GRK3: variants seen among roughly 807,000 people sequenced by gnomAD.
GRK3 encodes the protein G protein-coupled receptor kinase 3, also known as adrenergic, beta, receptor kinase 2.
A neutral mutation model predicts 95.7 loss-of-function variants in GRK3; 54 were observed. The ratio of observed to expected loss-of-function variants is 0.56; its 90% confidence interval spans 0.45 to 0.71. The LOEUF (loss-of-function observed/expected upper bound fraction) is 0.71. Ranked by LOEUF, GRK3 falls within the 30% of genes least tolerant of loss-of-function variation. The pLI is 0.00. For missense variants in GRK3, 649 were observed against 851.2 expected (o/e 0.76, Z 2.96); for synonymous variants, 281 against 290.8 (o/e 0.97, Z 0.34).
At chr22:25,673,051 A>T (rs1328269092) in intron 7 of GRK3, among the ~76,000 whole-genome samples, 3 of 78,236 alleles carry the variant, frequency 3.8e-5, no homozygotes. Flanking sequence ...CTTGAATGGT[A>T]TTGTTGGAAG....
At chr22:25,652,505 T>A (rs2084839637) in intron 3 of GRK3, among the ~76,000 whole-genome samples, 1 of 152,098 alleles carries the variant, frequency 6.6e-6, no homozygotes, top group Admixed American at 6.5e-5. Context: ...AATCTAGAAC[T>A]AAATTGCATG....
intron 3 of GRK3, among the ~76,000 whole-genome samples, chr22:25,653,363 G>C (rs942342990): frequency 6.6e-6 from 1 of 152,082 alleles, no homozygotes; most frequent in Admixed American, 6.6e-5. Context: ...AAGCAAAGCC[G>C]GCATAACTAC....
chr22:25,687,453 T>C, intron 10 of GRK3, 84 bp from the exon 11 acceptor site: 1 of 1,460,704 alleles, frequency 6.8e-7, no homozygotes, highest in Non-Finnish European at 9.3e-7. Context: ...CTTTTTCTGC[T>C]GAGTCCTGAC....
intron 4 of GRK3, among the ~76,000 whole-genome samples, chr22:25,663,344 A>G (rs1300447312): frequency 1.3e-5 from 2 of 152,080 alleles, no homozygotes; most frequent in Non-Finnish European, 2.9e-5. Context: ...GATTCTTTAC[A>G]CTTTATTATC....
chr22:25,601,166 A>G (rs1321215956), intron 1 of GRK3, among the ~76,000 whole-genome samples: 4 of 152,230 alleles, frequency 2.6e-5, no homozygotes, highest in East Asian at 3.8e-4. Flanking sequence ...AACTTGACCC[A>G]GTTGGTGTTT....
chr22:25,565,560 C>T (rs1385269594), intron 1 of GRK3, among the ~76,000 whole-genome samples: 3 of 152,094 alleles, frequency 2.0e-5, no homozygotes, highest in Non-Finnish European at 4.4e-5. Context: ...GCTTTGCGCT[C>T]CATCCTGGTC....
intron 1 of GRK3, among the ~76,000 whole-genome samples, chr22:25,595,925 T>G (rs913806329): frequency 2.0e-5 from 3 of 152,186 alleles, no homozygotes; most frequent in African/African-American, 7.2e-5. Flanking sequence ...CCAGCCTGGA[T>G]GACAGAGCGA....
chr22:25,704,300 T>A, intron 15 of GRK3, 91 bp downstream of exon 15: 1 of 880,472 alleles, frequency 1.1e-6, no homozygotes, highest in Non-Finnish European at 1.7e-6. Context: ...CCCTAGTCAT[T>A]AAAATCTTCC....
chr22:25,724,435 A>G lies in GRK3; in HGVS notation c.*1985A>G, dbSNP rs2085458693. The G allele has an allele frequency of 6.6e-6, 1 of 152,224 alleles. No individual in the cohort carries two copies. The highest frequency in any genetic ancestry group is 1.5e-5 in the Non-Finnish European group (1 of 68,042). The allele number at this position is 152,224 out of a possible 1,614,324, so 9.4% of individuals were successfully genotyped here. ...TATTCAACTTTCCCATACTTGTTCT[A>G]AAATTGAGCTGATCCGCATCTCTTT... On this transcript the variant is annotated 3_prime_UTR_variant, in exon 21 of 21. Transcript: ENST00000324198.
chr22:25,656,542 G>T (rs981088653), intron 3 of GRK3, among the ~76,000 whole-genome samples: 1 of 152,000 alleles, frequency 6.6e-6, no homozygotes, highest in African/African-American at 2.4e-5. Context: ...GCCCAGGCTG[G>T]TCTTGAATTT....
intron 3 of GRK3, among the ~76,000 whole-genome samples, chr22:25,660,804 G>C (rs896123542): frequency 1.3e-5 from 2 of 152,152 alleles, no homozygotes; most frequent in African/African-American, 4.8e-5. Context: ...TGGATTAAAA[G>C]TATTTCTGTA....
intron 15 of GRK3, among the ~76,000 whole-genome samples, chr22:25,709,643 T>G (rs1261476366): frequency 6.6e-6 from 1 of 152,164 alleles, no homozygotes; most frequent in African/African-American, 2.4e-5. Context: ...TGTGAAAATT[T>G]CTAGGTTATC....
chr22:25,608,795 A>C (rs2146344767), intron 2 of GRK3, among the ~76,000 whole-genome samples: 1 of 152,340 alleles, frequency 6.6e-6, no homozygotes, highest in East Asian at 1.9e-4. Context: ...GACCCTAAGC[A>C]GAGAATCCAG....
chr22:25,590,236 G>A (rs1223525365), intron 1 of GRK3, among the ~76,000 whole-genome samples: 4 of 151,670 alleles, frequency 2.6e-5, no homozygotes, highest in Non-Finnish European at 5.9e-5. Flanking sequence ...AGTGAAAGTG[G>A]AATACAATGC....
chr22:25,589,884 A>G (rs1932436837), intron 1 of GRK3, among the ~76,000 whole-genome samples: 1 of 152,140 alleles, frequency 6.6e-6, no homozygotes, highest in Non-Finnish European at 1.5e-5. Flanking sequence ...GCAGCAGGCA[A>G]GAGAGTGTGT....
chr22:25,564,899 C>CGCGCGCGGGGCGGGG lies in GRK3; in HGVS notation c.-133_-119dup. On this transcript the variant is annotated 5_prime_UTR_variant, in exon 1 of 21. Coordinates refer to ENST00000324198, the MANE Select transcript of GRK3 (RefSeq NM_005160.4). ...CAGAGCGCTAGTGGGGCGCGCGGCGCGCGCGCGGGGCGGGGGCGCGCGGAG... is the reference window on the plus strand; with the variant it reads ...CAGAGCGCTAGTGGGGCGCGCGGCGCGCGCGCGGGGCGGGGGCGCGCGGGGCGGGGGCGCGCGGAG... The CGCGCGCGGGGCGGGG allele has an allele frequency of 7.4e-6, 1 of 134,770 alleles. No homozygotes were observed. Among genetic ancestry groups the CGCGCGCGGGGCGGGG allele is most frequent in the South Asian group, 2.6e-4 (1 of 3,820 alleles). The allele number at this position is 134,770 out of a possible 1,614,324, so 8.3% of individuals were successfully genotyped here. A position where few individuals can be genotyped will look rare whatever the true frequency, so the allele number is the denominator to read the frequency against.
chr22:25,709,329 AC>A (rs1450491301), intron 15 of GRK3, among the ~76,000 whole-genome samples: 2 of 151,190 alleles, frequency 1.3e-5, no homozygotes, highest in Non-Finnish European at 2.9e-5. Flanking sequence ...GAGCCACCAC[AC>A]CCGGCTAATT....
At chr22:25,667,970 A>G (rs2084953647) in intron 6 of GRK3, among the ~76,000 whole-genome samples, 170 bp downstream of exon 6, 1 of 152,204 alleles carries the variant, frequency 6.6e-6, no homozygotes, top group South Asian at 2.1e-4. Flanking sequence ...ACTTTACATT[A>G]TAATTTTAGG....
intron 1 of GRK3, among the ~76,000 whole-genome samples, chr22:25,579,382 A>G (rs2146317170): frequency 6.6e-6 from 1 of 152,130 alleles, no homozygotes; most frequent in East Asian, 1.9e-4. Flanking sequence ...CTTGGGCTCA[A>G]TGATCTGTTC....
Sources: gnomAD v4.1 joint callset for allele counts (sites outside exome capture counted in the v4.1 genomes callset) on GRCh38, gnomAD v4.1.1 for gene constraint, MANE v1.5 for transcripts, NCBI Gene and HGNC (gene_info 2026-07-23, HGNC 2026-07-21) for gene names.